Variants in KCNT1 observed in about 807,000 individuals in gnomAD.
KCNT1 encodes the protein potassium sodium-activated channel subfamily T member 1.
A neutral mutation model predicts 147.8 loss-of-function variants in KCNT1; 78 were observed. The observed-to-expected ratio is 0.53, with a 90% CI of 0.44 to 0.64. The LOEUF (loss-of-function observed/expected upper bound fraction) is 0.64, where lower values mean the gene tolerates loss of function less well. Among genes scored for constraint, KCNT1 ranks in the 30% least tolerant of loss-of-function variants. The pLI, the probability that KCNT1 is intolerant of heterozygous loss-of-function variation, is 0.00. For synonymous variants in KCNT1, 867 were observed against 748.8 expected (o/e 1.16, Z -2.58); for missense variants, 1,419 against 1,750.3 (o/e 0.81, Z 3.38).
At chr9:135,761,060 C>T (rs781578345) in intron 11 of KCNT1, among the ~76,000 whole-genome samples, 39 of 151,760 alleles carry the variant, frequency 2.6e-4, no homozygotes, top group Non-Finnish European at 2.5e-4. Flanking sequence ...TAGGGTCTCA[C>T]TCTCATTTTG....
chr9:135,723,291 A>G (rs1835998483), intron 2 of KCNT1, among the ~76,000 whole-genome samples: 1 of 152,192 alleles, frequency 6.6e-6, no homozygotes, highest in East Asian at 1.9e-4. Flanking sequence ...CCAAAAGCAA[A>G]AGCGTTGGTG....
chr9:135,753,158 AAGATGGATGGGTGGATGGATGAT>A (rs945866977), intron 4 of KCNT1, among the ~76,000 whole-genome samples: 3 of 150,784 alleles, frequency 2.0e-5, no homozygotes, highest in Non-Finnish European at 4.4e-5. Flanking sequence ...AGTGAGTGGA[AAGATGGATGGGTGGATGGATGAT>A]AGATGGATGT....
rs1055761014 is a variant in KCNT1, at chr9:135,752,097, C to T, written c.434+1056C>T. On this transcript the variant is annotated intron_variant, in intron 4 of 30. Transcript: ENST00000371757. The surrounding 1 kb of genome is among the most constrained non-coding windows in gnomAD (Gnocchi z 5.1). ...CCGTTTATGCGTAAGAGTGCTCAGG[C>T]GCTGAGGGGCTCTGCAGCCACGTGT... 14 of 293,238 alleles carry T rather than the reference C, an allele frequency of 4.8e-5. No individual in the cohort carries two copies. The highest frequency in any genetic ancestry group is 4.6e-5 in the Admixed American group (1 of 21,872). The allele number at this position is 293,238 out of a possible 1,614,324, so 18.2% of individuals were successfully genotyped here.
chr9:135,716,836 A>G (rs1468569821), intron 2 of KCNT1, among the ~76,000 whole-genome samples: 5 of 152,234 alleles, frequency 3.3e-5, no homozygotes, highest in African/African-American at 1.2e-4. Flanking sequence ...TTGGAAATGA[A>G]GTATACAGTG....
chr9:135,729,230 G>A (rs1191753899), intron 2 of KCNT1, among the ~76,000 whole-genome samples: 1 of 152,246 alleles, frequency 6.6e-6, no homozygotes, highest in Non-Finnish European at 1.5e-5. Context: ...TCCTCTGGCT[G>A]GCAGTGGAAG....
At chr9:135,785,485 C>T (rs1162321899) in intron 28 of KCNT1, 155 bp downstream of exon 28, 1 of 942,150 alleles carries the variant, frequency 1.1e-6, no homozygotes, top group Non-Finnish European at 1.7e-6. Flanking sequence ...TCGGCCCCAG[C>T]ACGGCTCAGA....
chr9:135,713,118 G>A (rs755188849), intron 1 of KCNT1, among the ~76,000 whole-genome samples: 111 of 152,336 alleles, frequency 7.3e-4, no homozygotes, highest in Non-Finnish European at 1.2e-3. Flanking sequence ...AGGCAGCCAC[G>A]CCTGAGGAGC....
At position 135,795,437 on chromosome 9, in the gene KCNT1, C is replaced by T. The variant is rs908938784; in HGVS notation, c.*3276C>T. The T allele has an allele frequency of 6.6e-6, 1 of 152,118 alleles. No homozygotes were observed. Among genetic ancestry groups the T allele is most frequent in the Non-Finnish European group, 1.5e-5 (1 of 68,034 alleles). 9.4% of individuals were successfully genotyped at this position (152,118 alleles called of 1,614,324 possible). On this transcript the variant is annotated 3_prime_UTR_variant, in exon 31 of 31. Coordinates refer to ENST00000371757, the MANE Select transcript of KCNT1 (RefSeq NM_020822.3). ...CCAGCCTGGGTGGCAGAGAGAGACCCTGTCTCAAACAAAACAAACAAACAA... is the reference window on the plus strand; with the variant it reads ...CCAGCCTGGGTGGCAGAGAGAGACCTTGTCTCAAACAAAACAAACAAACAA...
intron 13 of KCNT1, chr9:135,768,372 C>T: frequency 4.8e-6 from 1 of 210,274 alleles, no homozygotes; most frequent in Admixed American, 9.7e-5. Context: ...TATGGGGATG[C>T]CCACTGAGGG....
intron 1 of KCNT1, among the ~76,000 whole-genome samples, chr9:135,712,263 G>C (rs1428911197): frequency 6.6e-6 from 1 of 152,222 alleles, no homozygotes; most frequent in Non-Finnish European, 1.5e-5. Context: ...TAGTGTAAGG[G>C]CTGAGGAGAG....
At chr9:135,728,674 C>T (rs888898984) in intron 2 of KCNT1, among the ~76,000 whole-genome samples, 19 of 152,192 alleles carry the variant, frequency 1.2e-4, no homozygotes, top group Non-Finnish European at 2.8e-4. Flanking sequence ...GGGAGAGGGC[C>T]GGGCAGGGGT....
Position 135,770,372 on chromosome 9 carries a change from G to T in KCNT1, c.1694G>T (p.Arg565Leu), listed in dbSNP as rs769855266. 2 of 1,613,206 alleles carry T rather than the reference G, an allele frequency of 1.2e-6. No homozygotes were observed. The highest frequency in any genetic ancestry group is 1.7e-5 in the Admixed American group (1 of 59,988). ...RCSGNEVYHI[R>L]MGDSKFFREY... is the part of the protein sequence containing the mutation. ...TCCGGCAACGAGGTGTACCACATCC[G>T]CATGGGTGACAGCAAGTTCTTCCGC... Residue 565 changes from arginine to leucine, a missense_variant, in exon 17 of 31, where the codon CGC becomes CTC. Coordinates refer to ENST00000371757, the MANE Select transcript of KCNT1 (RefSeq NM_020822.3).
intron 20 of KCNT1, 99 bp from the exon 21 acceptor site, chr9:135,777,239 T>G (rs1026604934): frequency 2.8e-4 from 354 of 1,280,474 alleles, no homozygotes; most frequent in East Asian, 1.1e-3. Context: ...AACGGCTGGG[T>G]GTTCACGGGG....
intron 2 of KCNT1, chr9:135,737,049 C>T (rs943905716): frequency 3.5e-5 from 8 of 231,346 alleles, no homozygotes; most frequent in South Asian, 3.6e-4. Context: ...GGAAGTGGAC[C>T]CAGCTCTGTG....
At chr9:135,781,549 C>CTTCA (rs1346230564) in intron 24 of KCNT1, among the ~76,000 whole-genome samples, 1 of 151,828 alleles carries the variant, frequency 6.6e-6, no homozygotes, top group Non-Finnish European at 1.5e-5. Context: ...CCTGTGGCAG[C>CTTCA]TTCAGATCCT....
At position 135,776,930 on chromosome 9, in the gene KCNT1, A is replaced by G. The variant is rs553843452; in HGVS notation, c.2350-408A>G. Among the ~76,000 whole-genome samples the G allele has an allele frequency of 4.1e-4, 62 of 152,338 alleles. 1 individual carries two copies. The highest frequency in any genetic ancestry group is 1.4e-3 in the African/African-American group (57 of 41,578). On this transcript the variant is annotated intron_variant, in intron 20 of 30. Coordinates refer to ENST00000371757, the MANE Select transcript of KCNT1 (RefSeq NM_020822.3). The stretch of plus-strand genomic sequence containing the variant: ...CTGGAATGAACCACTTCTCCAAGGA[A>G]CCCTGATTCCTTTTAGTGGAAAATG...
Position 135,768,640 on chromosome 9 carries a change from C to G in KCNT1, c.1368C>G (p.Leu456=). The change falls in exon 14 of 31, where the codon CTC becomes CTG. Residue 456 remains leucine (L), a synonymous_variant. Coordinates refer to ENST00000371757, the MANE Select transcript of KCNT1 (RefSeq NM_020822.3). The part of the protein sequence containing the change: ...KMDNGEACFI[L]SSRNEVDRTA... ...ACAATGGGGAGGCCTGCTTCATCCT[C>G]AGCAGCAGGAACGAGGTGGACCGCA... The G allele has an allele frequency of 2.6e-6, 4 of 1,550,552 alleles. No individual in the cohort carries two copies. The highest frequency in any genetic ancestry group is 3.5e-6 in the Non-Finnish European group (4 of 1,146,860).
chr9:135,732,024 A>AGGGG (rs1554766181), intron 2 of KCNT1, among the ~76,000 whole-genome samples: 2 of 65,084 alleles, frequency 3.1e-5, no homozygotes, highest in Non-Finnish European at 6.4e-5. Flanking sequence ...AGAGAGAGAG[A>AGGGG]GAGAGAGAGA....
chr9:135,762,283 A>G (rs1471821309), intron 11 of KCNT1, among the ~76,000 whole-genome samples: 2 of 152,226 alleles, frequency 1.3e-5, no homozygotes, highest in African/African-American at 4.8e-5. Context: ...CATCTCTACC[A>G]AAAAGTATGA....
Sources: allele counts gnomAD v4.1 joint callset (sites outside exome capture counted in the v4.1 genomes callset), GRCh38; gene constraint gnomAD v4.1.1; non-coding constraint Gnocchi (gnomAD v3.1); transcripts MANE v1.5; gene names NCBI Gene and HGNC (gene_info 2026-07-23, HGNC 2026-07-21).